Variants in LARP1 observed in about 807,000 individuals in gnomAD.
LARP1 encodes the protein la-related protein 1.
In LARP1, 36 loss-of-function variants were observed where a neutral mutation model predicts 122.7. That is an observed-to-expected ratio of 0.29 (90% CI 0.22 to 0.39). LARP1 has a LOEUF of 0.39. LARP1 is among the 10% of genes least tolerant of loss of function. LARP1 has a pLI of 1.00. For missense variants in LARP1, 1,040 were observed against 1,403.6 expected (o/e 0.74, Z 4.14); for synonymous variants, 539 against 528.7 (o/e 1.02, Z -0.27).
chr5:154,801,163 C>T (rs577017710), intron 10 of LARP1, among the ~76,000 whole-genome samples: 20 of 152,338 alleles, frequency 1.3e-4, no homozygotes, highest in African/African-American at 4.8e-4. Context: ...TCTCTCTCAG[C>T]GTCTCATATT....
At chr5:154,800,192 A>G in intron 10 of LARP1, 150 bp downstream of exon 10, 1 of 716,026 alleles carries the variant, frequency 1.4e-6, no homozygotes, top group Non-Finnish European at 2.2e-6. Context: ...AGTTACCAGT[A>G]GTGGCTACAG....
intron 15 of LARP1, 35 bp from the exon 16 acceptor site, chr5:154,808,424 C>G (rs376514290): frequency 1.2e-6 from 2 of 1,603,034 alleles, no homozygotes; most frequent in South Asian, 1.1e-5. Flanking sequence ...CAGCCTGAAC[C>G]TGAGACATGC....
At chr5:154,791,019 G>A (rs1757298079) in intron 3 of LARP1, among the ~76,000 whole-genome samples, 1 of 151,900 alleles carries the variant, frequency 6.6e-6, no homozygotes, top group Non-Finnish European at 1.5e-5. Context: ...GTTTCACCAT[G>A]TTGGCCAGGC....
At chr5:154,763,870 C>T (rs1388661528) in intron 1 of LARP1, among the ~76,000 whole-genome samples, 5 of 151,502 alleles carry the variant, frequency 3.3e-5, no homozygotes, top group Admixed American at 6.6e-5. Flanking sequence ...AAAAATTAGT[C>T]GAGCATGGTG....
At chr5:154,763,354 G>T (rs1385788929) in intron 1 of LARP1, among the ~76,000 whole-genome samples, 1 of 151,776 alleles carries the variant, frequency 6.6e-6, no homozygotes, top group Non-Finnish European at 1.5e-5. Context: ...TAGCCACCGC[G>T]CCTGGCCCAG....
intron 1 of LARP1, among the ~76,000 whole-genome samples, chr5:154,773,661 C>G (rs1755626188): frequency 6.6e-6 from 1 of 152,230 alleles, no homozygotes; most frequent in South Asian, 2.1e-4. Flanking sequence ...TTCCACTCAT[C>G]TGCCAGATTC....
At chr5:154,797,562 T>C (rs1312586822) in intron 8 of LARP1, among the ~76,000 whole-genome samples, 1 of 152,144 alleles carries the variant, frequency 6.6e-6, no homozygotes, top group African/African-American at 2.4e-5. Flanking sequence ...AAAGGGTCTT[T>C]ACGTAGACTT....
intron 1 of LARP1, chr5:154,756,550 T>G (rs1753930199): frequency 1.0e-6 from 1 of 964,434 alleles, no homozygotes; most frequent in African/African-American, 1.8e-5. Flanking sequence ...GTTTGAACCT[T>G]CCTCTGGAAG....
intron 1 of LARP1, among the ~76,000 whole-genome samples, chr5:154,704,359 G>A (rs1582166584): frequency 6.6e-6 from 1 of 152,002 alleles, no homozygotes; most frequent in East Asian, 1.9e-4. Context: ...CAAAGAATAG[G>A]GAACAGGCTG....
chr5:154,768,094 A>G (rs1176478360), intron 1 of LARP1, among the ~76,000 whole-genome samples: 2 of 152,202 alleles, frequency 1.3e-5, no homozygotes, highest in Admixed American at 6.5e-5. Flanking sequence ...CTCTGATGGC[A>G]GGTGAGAGAT....
At chr5:154,712,872 G>A in exon 1 of LARP1, 1 of 1,519,432 alleles carries the variant, frequency 6.6e-7, no homozygotes, top group Non-Finnish European at 9.1e-7. Flanking sequence ...TGTGCGATCT[G>A]GATGTACCTA....
intron 1 of LARP1, among the ~76,000 whole-genome samples, chr5:154,713,725 C>T (rs1755340912): frequency 6.6e-6 from 1 of 152,208 alleles, no homozygotes; most frequent in South Asian, 2.1e-4. Context: ...TTGGTCTCTG[C>T]AGTGCTGCCT....
upstream of LARP1, among the ~76,000 whole-genome samples, chr5:154,753,611 T>C (rs1753622979): frequency 6.6e-6 from 1 of 152,204 alleles, no homozygotes; most frequent in African/African-American, 2.4e-5. Context: ...CACAGCACCT[T>C]GACTAACATT....
intron 14 of LARP1, 122 bp downstream of exon 14, chr5:154,804,429 T>C (rs1324966470): frequency 1.6e-5 from 12 of 747,928 alleles, no homozygotes; most frequent in Non-Finnish European, 2.7e-5. Context: ...TAAGAGGTTT[T>C]CAAAAAACCA....
intron 1 of LARP1, among the ~76,000 whole-genome samples, chr5:154,735,279 AC>A (rs1449577310): frequency 6.6e-6 from 1 of 152,060 alleles, no homozygotes; most frequent in Non-Finnish European, 1.5e-5. Flanking sequence ...ACATGGTGAA[AC>A]CCCGTCTCTA....
intron 1 of LARP1, among the ~76,000 whole-genome samples, chr5:154,727,758 A>AACTTT (rs1756315357): frequency 1.3e-5 from 2 of 152,224 alleles, no homozygotes; most frequent in South Asian, 4.1e-4. Flanking sequence ...AAATACATAC[A>AACTTT]ACTTTATCTG....
At chr5:154,792,328 G>A (rs1757413129) in intron 3 of LARP1, among the ~76,000 whole-genome samples, 1 of 152,334 alleles carries the variant, frequency 6.6e-6, no homozygotes, top group East Asian at 1.9e-4. Flanking sequence ...ACATGGCCCT[G>A]TTGCAGGGAA....
At chr5:154,719,447 A>G (rs1755718469) in intron 1 of LARP1, among the ~76,000 whole-genome samples, 1 of 152,238 alleles carries the variant, frequency 6.6e-6, no homozygotes, top group Admixed American at 6.5e-5. Flanking sequence ...TTAAATACCT[A>G]AAATACATAG....
At chr5:154,743,723 G>A (rs550718263) in intron 1 of LARP1, among the ~76,000 whole-genome samples, 5 of 152,038 alleles carry the variant, frequency 3.3e-5, no homozygotes, top group African/African-American at 1.2e-4. Flanking sequence ...GAGTTCAAGC[G>A]ATTCTCCTGC....
Sources: allele counts gnomAD v4.1 joint callset (sites outside exome capture counted in the v4.1 genomes callset), GRCh38; gene constraint gnomAD v4.1.1; transcripts MANE v1.5; gene names NCBI Gene and HGNC (gene_info 2026-07-23, HGNC 2026-07-21).